Variants in FYB1 observed in about 807,000 individuals in gnomAD.
FYB1 encodes FYN binding protein 1.
Under a neutral mutation model 94.1 loss-of-function variants are expected in FYB1, and 41 were observed. The observed-to-expected ratio is 0.44, with a 90% CI of 0.34 to 0.57. The LOEUF (loss-of-function observed/expected upper bound fraction) is 0.57. Ranked by LOEUF, FYB1 falls within the 20% of genes least tolerant of loss-of-function variation. The pLI is 0.02. For synonymous variants in FYB1, 367 were observed against 353.2 expected (o/e 1.04, Z -0.44); for missense variants, 1,050 against 976.8 (o/e 1.07, Z -1.00).
chr5:39,219,184 C>T (rs2150549501), intron 1 of FYB1, among the ~76,000 whole-genome samples: 1 of 152,264 alleles, frequency 6.6e-6, no homozygotes, highest in Non-Finnish European at 1.5e-5. Context: ...ACATGAGAGG[C>T]CTTATCCAGT....
chr5:39,183,774 A>C (rs532423575), intron 2 of FYB1, among the ~76,000 whole-genome samples: 1 of 152,362 alleles, frequency 6.6e-6, no homozygotes, highest in Admixed American at 6.5e-5. Flanking sequence ...GTCAGTATAC[A>C]TAAGAATCTC....
intron 2 of FYB1, among the ~76,000 whole-genome samples, chr5:39,173,775 G>A (rs916644591): frequency 1.3e-5 from 2 of 152,056 alleles, no homozygotes; most frequent in African/African-American, 4.8e-5. Flanking sequence ...TCATTTCTGG[G>A]TTCTTTATTC....
chr5:39,139,680 T>A (rs1026832347), intron 4 of FYB1: 1 of 152,498 alleles, frequency 6.6e-6, no homozygotes, highest in Non-Finnish European at 1.5e-5. Flanking sequence ...TTAATAAGAG[T>A]TCAGTGTAAT....
chr5:39,168,058 TAGTC>T (rs1744902191), intron 2 of FYB1, among the ~76,000 whole-genome samples: 2 of 152,208 alleles, frequency 1.3e-5, no homozygotes, highest in African/African-American at 2.4e-5. Flanking sequence ...GAAAAAAAAT[TAGTC>T]AAACTAGATG....
intron 17 of FYB1, 121 bp from the exon 18 acceptor site, chr5:39,108,383 G>C (rs1738729012): frequency 1.2e-6 from 1 of 840,244 alleles, no homozygotes; most frequent in Non-Finnish European, 1.7e-6. Flanking sequence ...TTTAAGCATA[G>C]TATGCATTTA....
chr5:39,195,084 G>C (rs1179904680), intron 2 of FYB1, among the ~76,000 whole-genome samples: 1 of 152,118 alleles, frequency 6.6e-6, no homozygotes, highest in African/African-American at 2.4e-5. Context: ...AGAGAGCTTT[G>C]CCTCCAGTGA....
chr5:39,232,199 C>T (rs906455240), intron 1 of FYB1, among the ~76,000 whole-genome samples: 1 of 152,130 alleles, frequency 6.6e-6, no homozygotes, highest in Non-Finnish European at 1.5e-5. Context: ...TACCAATCTC[C>T]TTCAGGAGTC....
At chr5:39,174,751 C>A (rs935503886) in intron 2 of FYB1, among the ~76,000 whole-genome samples, 7 of 152,080 alleles carry the variant, frequency 4.6e-5, no homozygotes, top group Admixed American at 1.3e-4. Flanking sequence ...TGTTTAAAAA[C>A]CTTAAAAAGA....
intron 1 of FYB1, among the ~76,000 whole-genome samples, chr5:39,232,826 T>C (rs1289764928): frequency 6.6e-6 from 1 of 151,908 alleles, no homozygotes; most frequent in Non-Finnish European, 1.5e-5. Context: ...TGTTTGGCTT[T>C]TTGTTCTTGC....
At chr5:39,253,534 G>A (rs374910826) in intron 1 of FYB1, among the ~76,000 whole-genome samples, 1 of 152,102 alleles carries the variant, frequency 6.6e-6, no homozygotes, top group African/African-American at 2.4e-5. Context: ...AATGTGTGTT[G>A]TAAGGCATAG....
At chr5:39,219,933 G>A (rs2150551419), upstream of FYB1, among the ~76,000 whole-genome samples, 1 of 152,158 alleles carries the variant, frequency 6.6e-6, no homozygotes, top group East Asian at 1.9e-4. Flanking sequence ...ACTGGAGCAT[G>A]TGGAATATTT....
intron 2 of FYB1, among the ~76,000 whole-genome samples, chr5:39,172,556 A>G (rs1249045469): frequency 6.6e-6 from 1 of 152,130 alleles, no homozygotes; most frequent in East Asian, 1.9e-4. Context: ...CAGTGATCTC[A>G]TCACTCAACC....
In FYB1 at chr5:39,130,574, G is replaced by T; in HGVS notation, c.1840+16C>A. The T allele has an allele frequency of 6.4e-7, 1 of 1,565,142 alleles. No homozygotes were observed. Among genetic ancestry groups the T allele is most frequent in the South Asian group, 1.2e-5 (1 of 85,242 alleles). On this transcript the variant is annotated intron_variant, in intron 10 of 18. Coordinates refer to ENST00000512982, the MANE Select transcript of FYB1 (RefSeq NM_001465.6). Reference sequence around the variant, plus strand: ...TATCAATTGTAAAATGTCATTTTAAGAAGCGTGTGGCTTACCTCCACTTCC... The same window carrying T: ...TATCAATTGTAAAATGTCATTTTAATAAGCGTGTGGCTTACCTCCACTTCC...
chr5:39,115,099 T>C (rs1026997744), intron 16 of FYB1, among the ~76,000 whole-genome samples: 1 of 21,232 alleles, frequency 4.7e-5, no homozygotes. Flanking sequence ...AAACACATAA[T>C]TTTTTTTTTT....
intron 9 of FYB1, 110 bp downstream of exon 9, chr5:39,134,098 G>C: frequency 1.4e-6 from 1 of 713,780 alleles, no homozygotes; most frequent in Non-Finnish European, 2.2e-6. Context: ...ATTTAGTTTA[G>C]TGATAGAGAG....
chr5:39,170,059 CT>C, intron 2 of FYB1: 1 of 820,742 alleles, frequency 1.2e-6, no homozygotes, highest in Non-Finnish European at 2.1e-6. Context: ...CACTGGTGTC[CT>C]AGATCTTACT....
At chr5:39,122,473 T>C (rs1740216385) in intron 13 of FYB1, 71 bp from the exon 14 acceptor site, 1 of 893,936 alleles carries the variant, frequency 1.1e-6, no homozygotes, top group South Asian at 1.5e-5. Flanking sequence ...TTCAATGATG[T>C]TTTTAATATA....
At chr5:39,142,839 T>G (rs1348986995) in intron 3 of FYB1, among the ~76,000 whole-genome samples, 2 of 152,238 alleles carry the variant, frequency 1.3e-5, no homozygotes, top group Admixed American at 1.3e-4. Context: ...GCATCTCACT[T>G]GATTGCTTTG....
At chr5:39,246,478 C>A (rs1272900998) in intron 1 of FYB1, among the ~76,000 whole-genome samples, 1 of 152,146 alleles carries the variant, frequency 6.6e-6, no homozygotes, top group Non-Finnish European at 1.5e-5. Flanking sequence ...CCCTTAACAG[C>A]ATCCTAAATG....
Sources: allele counts gnomAD v4.1 joint callset (sites outside exome capture counted in the v4.1 genomes callset), GRCh38; gene constraint gnomAD v4.1.1; transcripts MANE v1.5; gene names NCBI Gene and HGNC (gene_info 2026-07-23, HGNC 2026-07-21).